The following DNAH3 variants were observed in gnomAD, a reference collection of about 807,000 sequenced individuals.
DNAH3 encodes axonemal beta dynein heavy chain 3.
DNAH3 carries 332 observed loss-of-function variants against 432.5 expected under a neutral mutation model. That is an observed-to-expected ratio of 0.77 (90% CI 0.70 to 0.84). The LOEUF (loss-of-function observed/expected upper bound fraction) is 0.84, where lower values mean the gene tolerates loss of function less well. DNAH3 is among the 40% of genes least tolerant of loss of function. The pLI is 0.00. For synonymous variants in DNAH3, 1,956 were observed against 1,900.2 expected, an observed-to-expected ratio of 1.03 and a Z score of -0.76; for missense variants, 4,861 against 5,114.0, an observed-to-expected ratio of 0.95 and a Z score of 1.51.
chr16:21,156,224 AT>A (rs1222835757), intron 1 of DNAH3, among the ~76,000 whole-genome samples: 1 of 142,306 alleles, frequency 7.0e-6, no homozygotes, highest in African/African-American at 2.6e-5. Context: ...ATTTTATTTT[AT>A]TATTTTATTT....
chr16:21,146,425 G>A (rs577205432), intron 1 of DNAH3, among the ~76,000 whole-genome samples: 65 of 152,208 alleles, frequency 4.3e-4, no homozygotes, highest in African/African-American at 1.4e-3. Context: ...GCATGGTGGC[G>A]TGTGCCTGTA....
At chr16:21,024,677 G>A in exon 39 of DNAH3, 1 of 1,613,716 alleles carries the variant, frequency 6.2e-7, no homozygotes, top group Non-Finnish European at 8.5e-7. Context: ...CTAGTTGATG[G>A]GGCTCCATGT....
At chr16:21,098,885 T>G in intron 16 of DNAH3, 116 bp from the exon 17 acceptor site, 1 of 1,031,250 alleles carries the variant, frequency 9.7e-7, no homozygotes. Flanking sequence ...TACCTGCAGA[T>G]TTCCTCCCCC....
At chr16:21,089,994 C>T (rs1297078945) in intron 18 of DNAH3, among the ~76,000 whole-genome samples, 9 of 151,986 alleles carry the variant, frequency 5.9e-5, no homozygotes, top group Non-Finnish European at 8.8e-5. Flanking sequence ...GATGGGATAT[C>T]ACTACCAACC....
chr16:21,038,225 G>A (rs2089266818), intron 33 of DNAH3, among the ~76,000 whole-genome samples: 1 of 152,208 alleles, frequency 6.6e-6, no homozygotes, highest in South Asian at 2.1e-4. Context: ...TTTTGGCCAA[G>A]TGCAGTGGCT....
exon 52 of DNAH3, chr16:20,969,840 T>C (rs12929546): frequency 0.12 from 186,052 of 1,614,046 alleles, 12,001 homozygotes; most frequent in African/African-American, 0.21. Flanking sequence ...CCTTTCATGA[T>C]GCAGATGCTC....
At chr16:20,949,909 C>T (rs77424585) in intron 56 of DNAH3, among the ~76,000 whole-genome samples, 567 of 152,204 alleles carry the variant, frequency 3.7e-3, no homozygotes, top group Non-Finnish European at 5.8e-3. Flanking sequence ...TCTAAGCAGA[C>T]CATATCCCAG....
chr16:20,943,735 C>A (rs2083917493), intron 58 of DNAH3, among the ~76,000 whole-genome samples: 1 of 152,146 alleles, frequency 6.6e-6, no homozygotes, highest in African/African-American at 2.4e-5. Flanking sequence ...AATCCCAGCA[C>A]TTTTGGAAGC....
At chr16:21,157,432 C>T (rs1018509011) in intron 1 of DNAH3, among the ~76,000 whole-genome samples, 7 of 149,418 alleles carry the variant, frequency 4.7e-5, no homozygotes, top group African/African-American at 1.5e-4. Flanking sequence ...CAGGTTCAAG[C>T]GATACTTCTG....
intron 11 of DNAH3, among the ~76,000 whole-genome samples, chr16:21,118,779 C>T (rs1303792253): frequency 3.9e-5 from 6 of 152,108 alleles, no homozygotes; most frequent in East Asian, 1.9e-4. Context: ...TGAGTCTCCA[C>T]GTCTAGTCAC....
At chr16:21,149,380 C>T (rs2092825645) in intron 1 of DNAH3, among the ~76,000 whole-genome samples, 1 of 152,196 alleles carries the variant, frequency 6.6e-6, no homozygotes, top group South Asian at 2.1e-4. Flanking sequence ...ATTTAAAATG[C>T]TCCTCTGGGC....
chr16:20,933,412 C>T (rs373242503), exon 62 of DNAH3: 12 of 1,614,030 alleles, frequency 7.4e-6, no homozygotes, highest in South Asian at 5.5e-5. Context: ...CAATCTGCAT[C>T]GTTTTCCTGT....
intron 49 of DNAH3, among the ~76,000 whole-genome samples, chr16:20,982,187 C>G (rs976358092): frequency 1.3e-5 from 2 of 151,774 alleles, no homozygotes; most frequent in Non-Finnish European, 2.9e-5. Flanking sequence ...AGTTCGAGAC[C>G]ACCCTGGCCA....
intron 20 of DNAH3, 23 bp downstream of exon 20, chr16:21,081,613 T>C (rs2091188663): frequency 1.3e-6 from 2 of 1,594,940 alleles, no homozygotes; most frequent in Non-Finnish European, 1.7e-6. Context: ...AAACCTTATC[T>C]GAAGGAGGGG....
intron 11 of DNAH3, among the ~76,000 whole-genome samples, chr16:21,119,608 T>C (rs527850621): frequency 6.6e-6 from 1 of 151,988 alleles, no homozygotes; most frequent in Admixed American, 6.6e-5. Context: ...ATTCTTTTTT[T>C]TTTTTGAGAT....
exon 53 of DNAH3, chr16:20,964,802 A>C: frequency 6.2e-7 from 1 of 1,614,122 alleles, no homozygotes; most frequent in Non-Finnish European, 8.5e-7. Context: ...TTGTCCTTAC[A>C]TTCAGCCAAC....
intron 53 of DNAH3, among the ~76,000 whole-genome samples, chr16:20,961,085 G>A (rs146583402): frequency 2.0e-5 from 3 of 152,204 alleles, no homozygotes; most frequent in East Asian, 1.9e-4. Context: ...AAACCTACAC[G>A]AGGAAGTACA....
At chr16:21,100,700 C>T (rs571938546) in intron 16 of DNAH3, among the ~76,000 whole-genome samples, 1 of 152,272 alleles carries the variant, frequency 6.6e-6, no homozygotes, top group South Asian at 2.1e-4. Context: ...CTTCCAGAAC[C>T]ACGGAACCTA....
chr16:21,147,039 C>T (rs1296666525), intron 1 of DNAH3, among the ~76,000 whole-genome samples: 1 of 152,060 alleles, frequency 6.6e-6, no homozygotes, highest in African/African-American at 2.4e-5. Context: ...GGATTACAGG[C>T]ATGAGCCACC....
Sources: gnomAD v4.1 joint callset for allele counts (sites outside exome capture counted in the v4.1 genomes callset) on GRCh38, gnomAD v4.1.1 for gene constraint, MANE v1.5 for transcripts, NCBI Gene and HGNC (gene_info 2026-07-23, HGNC 2026-07-21) for gene names.